MED13L: variants seen among roughly 807,000 people sequenced by gnomAD.
The protein encoded by MED13L is mediator of RNA polymerase II transcription subunit 13-like.
In MED13L, 7 loss-of-function variants were observed where a neutral mutation model predicts 220.9. That is an observed-to-expected ratio of 0.03 (90% CI 0.02 to 0.06). MED13L has a LOEUF of 0.06. Ranked by LOEUF, MED13L falls within the 10% of genes least tolerant of loss-of-function variation. The pLI, the probability that MED13L is intolerant of heterozygous loss-of-function variation, is 1.00. For missense variants in MED13L, 1,965 were observed against 2,760.5 expected (o/e 0.71, Z 6.46); for synonymous variants, 1,011 against 1,015.2 (o/e 1.00, Z 0.08).
Position 116,277,078 on chromosome 12 carries a change from G to A in MED13L, c.54C>T (p.His18=). The A allele has an allele frequency of 6.3e-7, 1 of 1,593,976 alleles. No homozygotes were observed. The highest frequency in any genetic ancestry group is 1.1e-5 in the South Asian group (1 of 87,932). The change falls in exon 1 of 31, where the codon CAC becomes CAT. Residue 18 remains histidine, a synonymous_variant. Transcript: ENST00000281928. ...VANGASLEDC[H]SNLFSLAELT... Reference sequence around the variant, plus strand: ...TACTCACCAGCGAAAAGAGGTTGGAGTGACAATCCTCCAGGCTCGCCCCGT... The same window carrying A: ...TACTCACCAGCGAAAAGAGGTTGGAATGACAATCCTCCAGGCTCGCCCCGT...
intron 3 of MED13L, among the ~76,000 whole-genome samples, chr12:116,109,956 T>C (rs1873934675): frequency 6.6e-6 from 1 of 152,184 alleles, no homozygotes. Flanking sequence ...GTAGTTCAAG[T>C]GTCCTAAGCA....
intron 2 of MED13L, among the ~76,000 whole-genome samples, chr12:116,118,987 T>C (rs1326213902): frequency 2.1e-4 from 32 of 152,220 alleles, no homozygotes; most frequent in Non-Finnish European, 2.9e-5. Context: ...TTTTATTTTA[T>C]GTGCCAAGCT....
At chr12:116,210,721 T>C (rs1882648211) in intron 2 of MED13L, among the ~76,000 whole-genome samples, 1 of 151,462 alleles carries the variant, frequency 6.6e-6, no homozygotes, top group African/African-American at 2.4e-5. Context: ...AATCCAAAAC[T>C]GGTACAATTA....
intron 4 of MED13L, among the ~76,000 whole-genome samples, chr12:116,064,453 G>A (rs1409694106): frequency 2.0e-5 from 3 of 152,110 alleles, no homozygotes; most frequent in Non-Finnish European, 4.4e-5. Flanking sequence ...AGGGCCAGCT[G>A]TACTTATTTC....
At chr12:116,027,636 G>A (rs752261885) in intron 4 of MED13L, among the ~76,000 whole-genome samples, 1 of 152,150 alleles carries the variant, frequency 6.6e-6, no homozygotes, top group Non-Finnish European at 1.5e-5. Flanking sequence ...CCCAACCAGA[G>A]GAGTGCTCTA....
intron 23 of MED13L, among the ~76,000 whole-genome samples, chr12:115,976,921 G>C (rs1876978826): frequency 6.6e-6 from 1 of 152,200 alleles, no homozygotes; most frequent in Non-Finnish European, 1.5e-5. Context: ...AACACTTTGG[G>C]AGGCTGAAGT....
At chr12:116,017,396 A>G (rs1330799374) in intron 7 of MED13L, among the ~76,000 whole-genome samples, 1 of 152,250 alleles carries the variant, frequency 6.6e-6, no homozygotes, top group East Asian at 1.9e-4. Context: ...TAACAAGTGG[A>G]TAACTTAATG....
In MED13L at chr12:116,256,682, C is replaced by CTTTT. The variant is rs35608298; in HGVS notation, c.73-18981_73-18978dup. Among the ~76,000 whole-genome samples the CTTTT allele has an allele frequency of 3.7e-3, 358 of 96,232 alleles. 6 individuals carry two copies. The highest frequency in any genetic ancestry group is 4.0e-3 in the East Asian group (13 of 3,232). The allele number at this position is 96,232 out of a possible 152,430, so 63.1% of individuals were successfully genotyped here. A position where few individuals can be genotyped will look rare whatever the true frequency, so the allele number is the denominator to read the frequency against. On this transcript the variant is annotated intron_variant, in intron 1 of 30. Transcript: ENST00000281928. ...ACAATCTCTCAAAGAAAACAAACTA[C>CTTTT]TTTTTTTTTTTTTTTTTTTTTTGAG...
intron 14 of MED13L, among the ~76,000 whole-genome samples, chr12:116,002,474 G>C (rs1435494955): frequency 2.0e-5 from 3 of 151,980 alleles, no homozygotes; most frequent in Non-Finnish European, 4.4e-5. Context: ...TGGTTTCTTA[G>C]GGCAAAGAAT....
intron 2 of MED13L, among the ~76,000 whole-genome samples, chr12:116,208,059 G>A (rs1882464244): frequency 6.6e-6 from 1 of 152,176 alleles, no homozygotes; most frequent in Non-Finnish European, 1.5e-5. Flanking sequence ...AGGTCACCTT[G>A]AATAGGTTTC....
At chr12:116,151,274 T>C (rs896340918) in intron 2 of MED13L, among the ~76,000 whole-genome samples, 6 of 152,202 alleles carry the variant, frequency 3.9e-5, no homozygotes, top group African/African-American at 1.4e-4. Context: ...AATTTTCATA[T>C]ATAATTGGTT....
At chr12:116,164,108 G>C (rs537498816) in intron 2 of MED13L, among the ~76,000 whole-genome samples, 1 of 151,994 alleles carries the variant, frequency 6.6e-6, no homozygotes, top group African/African-American at 2.4e-5. Context: ...ACAAGTTCAC[G>C]AGCTATGACT....
At chr12:116,176,812 G>C (rs1374585891) in intron 2 of MED13L, among the ~76,000 whole-genome samples, 1 of 150,660 alleles carries the variant, frequency 6.6e-6, no homozygotes, top group Non-Finnish European at 1.5e-5. Context: ...GGGGAGGAAG[G>C]GGAGGCAACC....
intron 1 of MED13L, among the ~76,000 whole-genome samples, chr12:116,257,294 C>T (rs1294866263): frequency 6.6e-6 from 1 of 152,178 alleles, no homozygotes; most frequent in Non-Finnish European, 1.5e-5. Context: ...GTGGCTCCTT[C>T]CCCCATAGTA....
chr12:116,075,907 A>G (rs945190433), intron 4 of MED13L, among the ~76,000 whole-genome samples: 6 of 148,570 alleles, frequency 4.0e-5, no homozygotes, highest in African/African-American at 1.2e-4. Context: ...TTGGAGCCAG[A>G]AGATTTTTTT....
chr12:116,063,516 T>TCAAA (rs766356876), intron 4 of MED13L, among the ~76,000 whole-genome samples: 1 of 152,146 alleles, frequency 6.6e-6, no homozygotes, highest in Admixed American at 6.5e-5. Flanking sequence ...AGACCCTGTC[T>TCAAA]CAAACAAACA....
chr12:116,111,631 T>A (rs967747974), intron 2 of MED13L, 119 bp from the exon 3 acceptor site: 11 of 739,758 alleles, frequency 1.5e-5, no homozygotes, highest in Non-Finnish European at 2.2e-5. Flanking sequence ...ATGACTTAAA[T>A]AATCTCACGC....
chr12:115,967,402 C>G (rs1592895666), intron 28 of MED13L, among the ~76,000 whole-genome samples: 1 of 152,070 alleles, frequency 6.6e-6, no homozygotes, highest in Non-Finnish European at 1.5e-5. Context: ...GCTGCAGGTG[C>G]TCAGGATTGA....
At position 116,265,662 on chromosome 12, in the gene MED13L, TAAC is replaced by T. The variant is rs1464272468; in HGVS notation, c.72+11395_72+11397del. ...GATTTTAGAAAACTGAAAATTATTT[TAAC>T]ATCATTTCTTAATCTAAATTGGCCT... On this transcript the variant is annotated intron_variant, in intron 1 of 30. Transcript: ENST00000281928. Among the ~76,000 whole-genome samples, 4 of 152,220 alleles carry T rather than the reference TAAC, an allele frequency of 2.6e-5. No homozygotes were observed. In the East Asian group the frequency reaches 7.7e-4, roughly 29 times the overall value.
Sources: allele counts gnomAD v4.1 joint callset (sites outside exome capture counted in the v4.1 genomes callset), GRCh38; gene constraint gnomAD v4.1.1; transcripts MANE v1.5; gene names NCBI Gene and HGNC (gene_info 2026-07-23, HGNC 2026-07-21).